Variants in DCC observed in about 807,000 individuals in gnomAD.
The protein encoded by DCC is netrin receptor DCC.
DCC carries 58 observed loss-of-function variants against 172.5 expected under a neutral mutation model. The ratio of observed to expected loss-of-function variants is 0.34; its 90% CI spans 0.27 to 0.42. DCC has a LOEUF of 0.42. Among genes scored for constraint, DCC ranks in the 10% least tolerant of loss-of-function variants. DCC has a pLI of 1.00. For missense variants in DCC, 1,740 were observed against 1,791.0 expected (o/e 0.97, Z 0.51); for synonymous variants, 709 against 644.5 (o/e 1.10, Z -1.52).
At chr18:52,719,430 G>A (rs1299853614) in intron 1 of DCC, among the ~76,000 whole-genome samples, 2 of 152,108 alleles carry the variant, frequency 1.3e-5, no homozygotes, top group African/African-American at 4.8e-5. Flanking sequence ...TCTCAGGAAG[G>A]GTGAGGGCTC....
chr18:53,269,407 A>C (rs1011493696), intron 12 of DCC, among the ~76,000 whole-genome samples: 1 of 152,156 alleles, frequency 6.6e-6, no homozygotes, highest in Admixed American at 6.5e-5. Flanking sequence ...AACCCTGAGC[A>C]CAAAACTCCA....
At chr18:52,967,145 T>C (rs560417163) in intron 5 of DCC, among the ~76,000 whole-genome samples, 1 of 152,326 alleles carries the variant, frequency 6.6e-6, no homozygotes, top group Non-Finnish European at 1.5e-5. Flanking sequence ...CCCTGGTAAG[T>C]AGAATAGCCC....
At chr18:52,723,814 A>G (rs1457632195) in intron 1 of DCC, among the ~76,000 whole-genome samples, 1 of 152,170 alleles carries the variant, frequency 6.6e-6, no homozygotes, top group African/African-American at 2.4e-5. Flanking sequence ...AATTACACAG[A>G]TGAAATGAAC....
At chr18:52,741,266 T>A (rs1472870282) in intron 1 of DCC, among the ~76,000 whole-genome samples, 9 of 152,206 alleles carry the variant, frequency 5.9e-5, no homozygotes, top group Non-Finnish European at 1.2e-4. Context: ...TCTACTGCAA[T>A]ACCTTAGGCC....
intron 21 of DCC, among the ~76,000 whole-genome samples, chr18:53,416,821 G>A (rs1400419394): frequency 6.6e-6 from 1 of 152,132 alleles, no homozygotes; most frequent in Non-Finnish European, 1.5e-5. Context: ...CTTATAAGTG[G>A]ATATGAACTT....
At chr18:52,341,781 G>T (rs2144218772) in intron 1 of DCC, among the ~76,000 whole-genome samples, 1 of 152,302 alleles carries the variant, frequency 6.6e-6, no homozygotes, top group African/African-American at 2.4e-5. Context: ...TCATGATAAG[G>T]TCCACTTGTT....
At chr18:52,415,732 A>T (rs1986999765) in intron 1 of DCC, among the ~76,000 whole-genome samples, 2 of 152,112 alleles carry the variant, frequency 1.3e-5, no homozygotes, top group South Asian at 4.2e-4. Context: ...CCTGTTTATC[A>T]TTTTTATTGC....
intron 12 of DCC, among the ~76,000 whole-genome samples, chr18:53,246,748 A>G (rs992924732): frequency 1.3e-4 from 20 of 152,046 alleles, no homozygotes; most frequent in African/African-American, 4.8e-4. Context: ...TTGCATGGGA[A>G]TGGAGAGTAG....
chr18:52,579,706 T>C (rs2033499248), intron 1 of DCC, among the ~76,000 whole-genome samples: 1 of 152,190 alleles, frequency 6.6e-6, no homozygotes, highest in South Asian at 2.1e-4. Context: ...TGTGTGTTAG[T>C]CTTCTTTTAA....
At chr18:53,207,863 T>C (rs1224283073) in intron 11 of DCC, 46 bp downstream of exon 11, 1 of 1,529,838 alleles carries the variant, frequency 6.5e-7, no homozygotes. Context: ...TGACATAATA[T>C]TGACAATAAT....
At chr18:52,668,967 T>C (rs932173863) in intron 1 of DCC, among the ~76,000 whole-genome samples, 6 of 152,174 alleles carry the variant, frequency 3.9e-5, no homozygotes, top group Admixed American at 3.9e-4. Flanking sequence ...GGAATTGTAA[T>C]AGAGAAAGAG....
At chr18:52,743,251 T>C (rs2036851544) in intron 1 of DCC, among the ~76,000 whole-genome samples, 1 of 152,182 alleles carries the variant, frequency 6.6e-6, no homozygotes, top group African/African-American at 2.4e-5. Context: ...TCTGCATTTA[T>C]AAAATGCCAT....
chr18:52,461,919 C>T (rs754464887), intron 1 of DCC, among the ~76,000 whole-genome samples: 8 of 152,196 alleles, frequency 5.3e-5, no homozygotes, highest in Non-Finnish European at 8.8e-5. Flanking sequence ...CAAAACCCAG[C>T]GCCTTATCTT....
chr18:52,943,601 C>T (rs959308021), intron 5 of DCC, among the ~76,000 whole-genome samples: 1 of 151,990 alleles, frequency 6.6e-6, no homozygotes, highest in Non-Finnish European at 1.5e-5. Context: ...TATGTATTTA[C>T]AGTTAAAATT....
At chr18:52,417,049 CT>C (rs1272375454) in intron 1 of DCC, among the ~76,000 whole-genome samples, 4 of 152,102 alleles carry the variant, frequency 2.6e-5, no homozygotes. Context: ...CCTTCAGGAG[CT>C]TTTTTAGGGC....
intron 13 of DCC, among the ~76,000 whole-genome samples, chr18:53,307,519 G>C (rs939491609): frequency 3.3e-5 from 5 of 152,046 alleles, no homozygotes; most frequent in East Asian, 3.9e-4. Context: ...TCCAGACATA[G>C]AGATTTGAAG....
At chr18:53,093,526 A>C (rs533674802) in intron 7 of DCC, among the ~76,000 whole-genome samples, 2 of 152,258 alleles carry the variant, frequency 1.3e-5, no homozygotes, top group South Asian at 4.1e-4. Flanking sequence ...TGACCCCCTA[A>C]AAAGGAAGCG....
rs2043016614 is a variant in DCC at position 53,091,852 on chromosome 18, AATCTATC to A, written c.1261+25687_1261+25693del. On this transcript the variant is annotated intron_variant, in intron 7 of 28. Transcript: ENST00000442544. ...CTATCTATCTATCTATCTATCTATC[AATCTATC>A]TATATATATATATATATCTACATAA... is the stretch of plus-strand genomic sequence containing the variant. Among the ~76,000 whole-genome samples, 207 of 103,332 alleles carry A rather than the reference AATCTATC, an allele frequency of 2.0e-3. 2 individuals are homozygous for A. Among genetic ancestry groups the A allele is most frequent in the African/African-American group, 6.4e-3 (170 of 26,572 alleles). 67.8% of individuals were successfully genotyped at this position (103,332 alleles called of 152,430 possible). A position where few individuals can be genotyped will look rare whatever the true frequency, so the allele number is the denominator to read the frequency against.
Position 52,780,583 on chromosome 18 carries a change from G to A in DCC, c.412+28209G>A, listed in dbSNP as rs184126412. On this transcript the variant is annotated intron_variant, in intron 2 of 28. Transcript: ENST00000442544. ...GAAAACTGTGTATATTTATGCTTAC[G>A]TTTGATGAAAATTGGATAATTATAC... 5.3e-5 allele frequency among the ~76,000 whole-genome samples: 8 copies of A among 152,220 alleles called. No homozygotes were observed. In the South Asian group the frequency reaches 6.2e-4, roughly 12 times the overall value.
Sources: gnomAD v4.1 joint callset for allele counts (sites outside exome capture counted in the v4.1 genomes callset) on GRCh38, gnomAD v4.1.1 for gene constraint, MANE v1.5 for transcripts, NCBI Gene and HGNC (gene_info 2026-07-23, HGNC 2026-07-21) for gene names.